The following KCNC3 variants were observed in gnomAD, a reference collection of about 807,000 sequenced individuals.
KCNC3 encodes the protein voltage-gated potassium channel KCNC3.
Under a neutral mutation model 43.9 loss-of-function variants are expected in KCNC3, and 22 were observed. The observed-to-expected ratio is 0.50, with a 90% CI of 0.36 to 0.72. The LOEUF (loss-of-function observed/expected upper bound fraction) is 0.72, where lower values mean the gene tolerates loss of function less well. Ranked by LOEUF, KCNC3 falls within the 30% of genes least tolerant of loss-of-function variation. The pLI, the probability that KCNC3 is intolerant of heterozygous loss-of-function variation, is 0.00. For synonymous variants in KCNC3, 492 were observed against 488.0 expected (o/e 1.01, Z -0.11); for missense variants, 829 against 1,073.8 (o/e 0.77, Z 3.19).
At position 50,328,893 on chromosome 19, in the gene KCNC3, G is replaced by A; in HGVS notation, c.190C>T (p.Arg64Trp). 2.0e-6 allele frequency: 2 copies of A among 999,298 alleles called. No individual in the cohort carries two copies. Among genetic ancestry groups the A allele is most frequent in the Non-Finnish European group, 2.4e-6 (2 of 835,688 alleles). The allele number at this position is 999,298 out of a possible 1,614,324, so 61.9% of individuals were successfully genotyped here. Reference protein sequence around the residue: ...GPPAPRGPGDRRAEPCPGLPA... With the variant: ...GPPAPRGPGDWRAEPCPGLPA... ...AGCCCGGGGCATGGCTCGGCGCGCC[G>A]GTCCCCGGGCCCGCGGGGTGCCGGG... The change falls in exon 1 of 5, where the codon CGG (arginine) becomes TGG (tryptophan). Residue 64 changes from arginine (R) to tryptophan (W), a missense_variant. Physicochemically the swap from Arg to Trp is moderately radical, Grantham distance 101 (BLOSUM62 -3). Coordinates refer to ENST00000477616, the MANE Select transcript of KCNC3 (RefSeq NM_004977.3).
At position 50,315,072 on chromosome 19, in the gene KCNC3, G is replaced by T. The variant is rs907033734; in HGVS notation, c.*1043C>A. The T allele has an allele frequency of 7.5e-5, 15 of 199,268 alleles. No homozygotes were observed. Among genetic ancestry groups the T allele is most frequent in the Non-Finnish European group, 1.6e-4 (15 of 96,008 alleles). The allele number at this position is 199,268 out of a possible 1,614,324, so 12.3% of individuals were successfully genotyped here. A position where few individuals can be genotyped will look rare whatever the true frequency, so the allele number is the denominator to read the frequency against. ...GAAGGGTCAGACAGAGAGACCCAAG[G>T]CAGGGAGAAAGAGACAGAGAGAGAA... On this transcript the variant is annotated 3_prime_UTR_variant, in exon 5 of 5. Coordinates refer to ENST00000477616, the MANE Select transcript of KCNC3 (RefSeq NM_004977.3).
intron 1 of KCNC3, among the ~76,000 whole-genome samples, chr19:50,325,456 G>C (rs2037090819): frequency 2.6e-5 from 4 of 151,580 alleles, no homozygotes; most frequent in Admixed American, 2.6e-4. Context: ...TTCCTCCACA[G>C]GGGTTGGGCT....
At chr19:50,333,151 C>A (rs2037206203), upstream of KCNC3, among the ~76,000 whole-genome samples, 1 of 152,202 alleles carries the variant, frequency 6.6e-6, no homozygotes, top group South Asian at 2.1e-4. Flanking sequence ...TCTTACCGCC[C>A]CCGGACCCTG....
rs2037141947 is a variant in KCNC3 at position 50,328,882 on chromosome 19, C to T, written c.201G>A (p.Glu67=). ...APRGPGDRRA[E]PCPGLPAAAM... Reference sequence around the variant, plus strand: ...CCGCCGCCGGCAGCCCGGGGCATGGCTCGGCGCGCCGGTCCCCGGGCCCGC... The same window carrying T: ...CCGCCGCCGGCAGCCCGGGGCATGGTTCGGCGCGCCGGTCCCCGGGCCCGC... The change falls in exon 1 of 5, where the codon GAG becomes GAA. Residue 67 remains glutamate, a synonymous_variant. Transcript: ENST00000477616. 1 of 1,129,242 alleles carries T rather than the reference C, an allele frequency of 8.9e-7. No individual in the cohort carries two copies. Among genetic ancestry groups the T allele is most frequent in the African/African-American group, 1.7e-5 (1 of 60,076 alleles). 70.0% of individuals were successfully genotyped at this position (1,129,242 alleles called of 1,614,324 possible).
At position 50,320,285 on chromosome 19, in the gene KCNC3, G is replaced by T; in HGVS notation, c.2235C>A (p.Pro745=). The T allele has an allele frequency of 1.9e-6, 2 of 1,051,548 alleles. No individual in the cohort carries two copies. The highest frequency in any genetic ancestry group is 3.4e-5 in the East Asian group (1 of 29,344). 65.1% of individuals were successfully genotyped at this position (1,051,548 alleles called of 1,614,324 possible). ...AGGCCGCGGCGTTGGCGTTGAGGTC[G>T]GGCAAGAAGCTTGGGGGGCCTGGCT... The part of the protein sequence containing the change: ...WRKPGPPSFL[P]DLNANAAAWI... The change falls in exon 4 of 5, where the codon CCC becomes CCA. Residue 745 remains proline (P), a synonymous_variant. Transcript: ENST00000477616.
In KCNC3 at chr19:50,312,841, C is replaced by T. The variant is rs2036897867; in HGVS notation, c.*3274G>A. 6.6e-6 allele frequency: 1 copy of T among 152,064 alleles called. No individual in the cohort carries two copies. The highest frequency in any genetic ancestry group is 2.4e-5 in the African/African-American group (1 of 41,394). 9.4% of individuals were successfully genotyped at this position (152,064 alleles called of 1,614,324 possible). A position where few individuals can be genotyped will look rare whatever the true frequency, so the allele number is the denominator to read the frequency against. ...ATATAATCAGTCCCCACCCCGTACC[C>T]TGGTGTCTGGAGCCCCTAGCCCTTT... is the stretch of plus-strand genomic sequence containing the variant. On this transcript the variant is annotated 3_prime_UTR_variant, in exon 5 of 5. Coordinates refer to ENST00000477616, the MANE Select transcript of KCNC3 (RefSeq NM_004977.3).
In KCNC3 at chr19:50,313,483, G is replaced by C. The variant is rs2036906442; in HGVS notation, c.*2632C>G. The C allele has an allele frequency of 6.6e-6, 1 of 152,174 alleles. No homozygotes were observed. Among genetic ancestry groups the C allele is most frequent in the Non-Finnish European group, 1.5e-5 (1 of 68,048 alleles). 9.4% of individuals were successfully genotyped at this position (152,174 alleles called of 1,614,324 possible). A position where few individuals can be genotyped will look rare whatever the true frequency, so the allele number is the denominator to read the frequency against. ...CCTCAAACCTTAGCACACCACCAAA[G>C]GTACAAATACAACCCTCTGGGAAAC... On this transcript the variant is annotated 3_prime_UTR_variant, in exon 5 of 5. Coordinates refer to ENST00000477616, the MANE Select transcript of KCNC3 (RefSeq NM_004977.3).
At chr19:50,322,937 C>A (rs2037051389) in intron 2 of KCNC3, 38 bp downstream of exon 2, 1 of 1,547,496 alleles carries the variant, frequency 6.5e-7, no homozygotes, top group African/African-American at 1.4e-5. Flanking sequence ...CTCCCCGGGT[C>A]TCCACCTGTG....
Position 50,320,798 on chromosome 19 carries a change from G to T in KCNC3, c.1979-14C>A, listed in dbSNP as rs773823680. Reference sequence around the variant, plus strand: ...TGGGGCGAGGATCTGCATCCCAAGGGGGTCAGACAGAGAGACAAAGGAGAG... The same window carrying T: ...TGGGGCGAGGATCTGCATCCCAAGGTGGTCAGACAGAGAGACAAAGGAGAG... On this transcript the variant is annotated splice_polypyrimidine_tract_variant and intron_variant, in intron 2 of 4. Transcript: ENST00000477616. The T allele has an allele frequency of 6.2e-7, 1 of 1,612,746 alleles. No individual in the cohort carries two copies. The highest frequency in any genetic ancestry group is 8.5e-7 in the Non-Finnish European group (1 of 1,179,720).
chr19:50,330,824 G>T (rs2037179156), upstream of KCNC3, among the ~76,000 whole-genome samples: 1 of 152,178 alleles, frequency 6.6e-6, no homozygotes, highest in Admixed American at 6.5e-5. Context: ...GCCTCGGAGC[G>T]GGCCGTCCCC....
chr19:50,318,535 G>T (rs889698559), intron 4 of KCNC3, among the ~76,000 whole-genome samples: 3 of 152,088 alleles, frequency 2.0e-5, no homozygotes, highest in African/African-American at 7.2e-5. Flanking sequence ...TCCTGTAAAA[G>T]GCCAGATAGT....
intron 2 of KCNC3, among the ~76,000 whole-genome samples, chr19:50,321,996 G>C (rs1309726585): frequency 6.6e-6 from 1 of 152,060 alleles, no homozygotes; most frequent in East Asian, 1.9e-4. Flanking sequence ...GGAAGGGCTA[G>C]GTTAGGTGAG....
chr19:50,320,211 G>C lies in KCNC3; in HGVS notation c.*23+12C>G. On this transcript the variant is annotated intron_variant, in intron 4 of 4. Transcript: ENST00000477616. Reference sequence around the variant, plus strand: ...TGGGGGTCCGGGGGATCAGAGGGTGGGGGCTACTTACCCCGGGGGGAGGGG... The same window carrying C: ...TGGGGGTCCGGGGGATCAGAGGGTGCGGGCTACTTACCCCGGGGGGAGGGG... 1.1e-5 allele frequency: 3 copies of C among 278,544 alleles called. No individual in the cohort carries two copies. The highest frequency in any genetic ancestry group is 1.9e-5 in the Non-Finnish European group (3 of 153,870). The allele number at this position is 278,544 out of a possible 1,614,324, so 17.3% of individuals were successfully genotyped here.
At position 50,324,467 on chromosome 19, in the gene KCNC3, G is replaced by A. The variant is rs939032679; in HGVS notation, c.871-385C>T. Among the ~76,000 whole-genome samples the A allele has an allele frequency of 2.6e-5, 4 of 152,050 alleles. No homozygotes were observed. The highest frequency in any genetic ancestry group is 4.4e-5 in the Non-Finnish European group (3 of 68,018). ...CGGGTTCTGCTGTGGGACGGGAGCC[G>A]CCAGGCCTAAGATCACACATCCTGT... On this transcript the variant is annotated intron_variant, in intron 1 of 4. Coordinates refer to ENST00000477616, the MANE Select transcript of KCNC3 (RefSeq NM_004977.3). The surrounding 1 kb of genome is among the most constrained non-coding windows in gnomAD (Gnocchi z 4.1).
Position 50,320,661 on chromosome 19 carries a change from T to C in KCNC3, c.2102A>G (p.Tyr701Cys). 5.6e-6 allele frequency: 9 copies of C among 1,613,486 alleles called. No individual in the cohort carries two copies. The highest frequency in any genetic ancestry group is 7.6e-6 in the Non-Finnish European group (9 of 1,179,892). The change falls in exon 3 of 5, where the codon TAT (tyrosine) becomes TGT (cysteine). Residue 701 changes from tyrosine (Y) to cysteine (C), a missense_variant. Physicochemically the swap from Tyr to Cys is radical, Grantham distance 194. This residue lies in a region of KCNC3 where 308 missense variants were observed against 276.2 expected (regional missense o/e 1.11). Transcript: ENST00000477616. Reference protein sequence around the residue: ...SPITPGSRGRYSRDRACFLLT... With the variant: ...SPITPGSRGRCSRDRACFLLT... Reference sequence around the variant, plus strand: ...GAGGAAGCAGGCTCGGTCCCGGCTATAGCGGCCACGGCTTCCAGGCGTGAT... The same window carrying C: ...GAGGAAGCAGGCTCGGTCCCGGCTACAGCGGCCACGGCTTCCAGGCGTGAT...
chr19:50,320,563 C>G, intron 3 of KCNC3, 30 bp downstream of exon 3: 1 of 1,597,146 alleles, frequency 6.3e-7, no homozygotes, highest in Non-Finnish European at 8.5e-7. Flanking sequence ...GAGGGAGGGT[C>G]CCAGGGGATC....
rs1324804463 is a variant in KCNC3, at chr19:50,328,282, T to TGTGCCGCCC, written c.792_800dup (p.Gly265_Thr267dup). On this transcript the variant is annotated inframe_insertion, in exon 1 of 5. Transcript: ENST00000477616. ...CGCGGGGCTGCCAGCGGCGCCACCATGTGCCGCCCGCGCCGCCCGCGCCCC... is the reference window on the plus strand; with the variant it reads ...CGCGGGGCTGCCAGCGGCGCCACCATGTGCCGCCCGTGCCGCCCGCGCCGCCCGCGCCCC... 7 of 1,179,034 alleles carry TGTGCCGCCC rather than the reference T, an allele frequency of 5.9e-6. No homozygotes were observed. Among genetic ancestry groups the TGTGCCGCCC allele is most frequent in the Non-Finnish European group, 6.3e-6 (6 of 956,652 alleles). 73.0% of individuals were successfully genotyped at this position (1,179,034 alleles called of 1,614,324 possible).
chr19:50,322,235 C>G (rs572919341), intron 2 of KCNC3, among the ~76,000 whole-genome samples: 79 of 152,262 alleles, frequency 5.2e-4, no homozygotes, highest in Admixed American at 1.0e-3. Context: ...GGGAGGAACA[C>G]ACACAGAAGC....
In KCNC3 at chr19:50,320,769, C is replaced by T; in HGVS notation, c.1994G>A (p.Gly665Glu). 6.2e-7 allele frequency: 1 copy of T among 1,613,774 alleles called. No homozygotes were observed. The highest frequency in any genetic ancestry group is 8.5e-7 in the Non-Finnish European group (1 of 1,179,908). ...GGCAAGCGCAGCTGCTGCCGGATCC[C>T]CATTGGGGCGAGGATCTGCATCCCA... ...EINRADPRPN[G>E]DPAAAALAHE... Residue 665 changes from glycine (G) to glutamate (E), a missense_variant, in exon 3 of 5, where the codon GGG becomes GAG. Transcript: ENST00000477616.
Sources: gnomAD v4.1 joint callset for allele counts (sites outside exome capture counted in the v4.1 genomes callset) on GRCh38, gnomAD v4.1.1 for gene constraint, gnomAD v4.1.1 regional missense constraint, Gnocchi (gnomAD v3.1) non-coding constraint, MANE v1.5 for transcripts, NCBI Gene and HGNC (gene_info 2026-07-23, HGNC 2026-07-21) for gene names.